Variants in NUP133 observed in about 807,000 individuals in gnomAD.
The protein encoded by NUP133 is nucleoporin 133, also known as nuclear pore complex protein Nup133.
NUP133 carries 66 observed loss-of-function variants against 146.2 expected under a neutral mutation model. The observed-to-expected ratio is 0.45, with a 90% confidence interval of 0.37 to 0.55. NUP133 has a LOEUF of 0.55. Ranked by LOEUF, NUP133 falls within the 20% of genes least tolerant of loss-of-function variation. The pLI, the probability that NUP133 is intolerant of heterozygous loss-of-function variation, is 0.00. For missense variants in NUP133, 1,277 were observed against 1,374.8 expected (o/e 0.93, Z 1.12); for synonymous variants, 521 against 498.8 (o/e 1.04, Z -0.59).
chr1:229,457,299 C>G (rs1003843525), intron 21 of NUP133, among the ~76,000 whole-genome samples: 1 of 152,110 alleles, frequency 6.6e-6, no homozygotes, highest in Non-Finnish European at 1.5e-5. Context: ...ATTTCCAATT[C>G]AAATTCAATA....
chr1:229,505,992 G>T, intron 2 of NUP133, 48 bp downstream of exon 2: 1 of 1,062,032 alleles, frequency 9.4e-7, no homozygotes, highest in Non-Finnish European at 1.5e-6. Context: ...CCACATCTAG[G>T]CTCCATTTTA....
At chr1:229,506,016 G>A in intron 2 of NUP133, 24 bp downstream of exon 2, 3 of 1,350,946 alleles carry the variant, frequency 2.2e-6, no homozygotes, top group Non-Finnish European at 3.2e-6. Context: ...TGCTAATATA[G>A]GTAAATGGAA....
intron 2 of NUP133, among the ~76,000 whole-genome samples, chr1:229,504,528 G>A (rs1366762879): frequency 6.6e-6 from 1 of 152,130 alleles, no homozygotes; most frequent in Non-Finnish European, 1.5e-5. Flanking sequence ...ACCAACAGAC[G>A]CTTCTAAAGG....
intron 18 of NUP133, 109 bp from the exon 19 acceptor site, chr1:229,463,785 C>A: frequency 8.4e-7 from 1 of 1,185,762 alleles, no homozygotes; most frequent in Non-Finnish European, 1.2e-6. Context: ...AACCAACAAT[C>A]ATTAATGGAA....
chr1:229,498,880 T>C (rs1661726664), intron 5 of NUP133, among the ~76,000 whole-genome samples: 1 of 152,134 alleles, frequency 6.6e-6, no homozygotes, highest in Non-Finnish European at 1.5e-5. Flanking sequence ...TCAGATTTTA[T>C]TTATTTATAT....
chr1:229,497,473 T>C (rs1661682303), intron 6 of NUP133, among the ~76,000 whole-genome samples: 1 of 152,188 alleles, frequency 6.6e-6, no homozygotes, highest in South Asian at 2.1e-4. Flanking sequence ...AGGTGATAAT[T>C]ATCTGAAACA....
At chr1:229,446,865 G>A (rs978867946) in intron 24 of NUP133, among the ~76,000 whole-genome samples, 7 of 152,078 alleles carry the variant, frequency 4.6e-5, no homozygotes, top group Non-Finnish European at 1.0e-4. Context: ...GGTGGCTCAC[G>A]TCTGTAATCC....
At chr1:229,456,245 G>C (rs970587458) in intron 21 of NUP133, among the ~76,000 whole-genome samples, 35 of 152,238 alleles carry the variant, frequency 2.3e-4, no homozygotes, top group Middle Eastern at 3.4e-3. Flanking sequence ...CCAAAACCAC[G>C]GGAATATCCT....
intron 4 of NUP133, among the ~76,000 whole-genome samples, chr1:229,500,158 ACT>A (rs1291903591): frequency 2.6e-5 from 4 of 152,116 alleles, no homozygotes; most frequent in Admixed American, 6.5e-5. Flanking sequence ...AATTCTTCTT[ACT>A]CTGTAACTTG....
chr1:229,442,592 T>C (rs901322886), intron 25 of NUP133, among the ~76,000 whole-genome samples: 1 of 152,190 alleles, frequency 6.6e-6, no homozygotes, highest in African/African-American at 2.4e-5. Flanking sequence ...GAAAACTGGA[T>C]GAAAATTTTC....
At chr1:229,499,881 T>C in intron 4 of NUP133, 63 bp from the exon 5 acceptor site, 1 of 1,526,368 alleles carries the variant, frequency 6.6e-7, no homozygotes, top group Non-Finnish European at 9.0e-7. Context: ...ACCAGCAGTC[T>C]GATGGCAATG....
intron 2 of NUP133, 65 bp downstream of exon 2, chr1:229,505,975 C>T: frequency 1.1e-6 from 1 of 911,070 alleles, no homozygotes; most frequent in South Asian, 1.4e-5. Flanking sequence ...TAAATTTAAT[C>T]TCTATGCCAC....
intron 14 of NUP133, among the ~76,000 whole-genome samples, chr1:229,474,291 A>C (rs1046508048): frequency 6.6e-6 from 1 of 152,212 alleles, no homozygotes; most frequent in Non-Finnish European, 1.5e-5. Flanking sequence ...GTTTTAAGCC[A>C]CTGTGTTTTG....
intron 20 of NUP133, among the ~76,000 whole-genome samples, chr1:229,459,833 G>T (rs1247849482): frequency 2.6e-5 from 4 of 152,246 alleles, no homozygotes; most frequent in South Asian, 4.1e-4. Context: ...GGGAGTGCAG[G>T]TACCTTTTCA....
Position 229,465,501 on chromosome 1 carries a change from T to G in NUP133, c.2218A>C (p.Ser740Arg), listed in dbSNP as rs769552124. 1.2e-6 allele frequency: 2 copies of G among 1,613,454 alleles called. No homozygotes were observed. Among genetic ancestry groups the G allele is most frequent in the African/African-American group, 2.7e-5 (2 of 74,924 alleles). The change falls in exon 17 of 26, where the codon AGT becomes CGT. Residue 740 changes from serine to arginine, a missense_variant. This residue lies in a region of NUP133 where 952 missense variants were observed against 1,047.0 expected (regional missense o/e 0.91). Transcript: ENST00000261396. ...NILKDMLQAASHYRQNRNSLY... is the reference protein window; with the variant it reads ...NILKDMLQAARHYRQNRNSLY... ...GAGTTTCTATTTTGGCGATAATGAC[T>G]AGCAGCCTGCAGCATATCCTGGAAA...
chr1:229,495,383 C>A, intron 8 of NUP133, 112 bp downstream of exon 8: 1 of 727,520 alleles, frequency 1.4e-6, no homozygotes, highest in Non-Finnish European at 2.3e-6. Flanking sequence ...AGAGTGAGAC[C>A]CTGTCTCCAA....
chr1:229,472,927 A>C (rs1157574593), intron 14 of NUP133, among the ~76,000 whole-genome samples: 1 of 151,864 alleles, frequency 6.6e-6, no homozygotes, highest in South Asian at 2.1e-4. Context: ...GTTTGGCTCA[A>C]GGAGAAAAGG....
chr1:229,485,240 G>A (rs1558102868), intron 11 of NUP133, among the ~76,000 whole-genome samples: 2 of 152,178 alleles, frequency 1.3e-5, no homozygotes, highest in Non-Finnish European at 2.9e-5. Flanking sequence ...AGAAGGAATG[G>A]GAAATGGCCC....
rs1661112479 is a variant in NUP133, at chr1:229,477,743, G to A, written c.1610C>T (p.Ala537Val). Residue 537 changes from alanine to valine, a missense_variant, in exon 13 of 26, where the codon GCT (alanine) becomes GTT (valine). Physicochemically the swap from Ala to Val is moderately conservative, Grantham distance 64 (BLOSUM62 0). Transcript: ENST00000261396. ...LQYCRKDLGH[A>V]QMVVDELFSS... ...AAAGAGCTCATCAACCACCATTTGA[G>A]CATGACCTAAATCTTTTCTGAAATA... is the stretch of plus-strand genomic sequence containing the variant. 2 of 1,612,432 alleles carry A rather than the reference G, an allele frequency of 1.2e-6. No individual in the cohort carries two copies. Among genetic ancestry groups the A allele is most frequent in the African/African-American group, 1.3e-5 (1 of 74,934 alleles).
Sources: allele counts gnomAD v4.1 joint callset (sites outside exome capture counted in the v4.1 genomes callset), GRCh38; gene constraint gnomAD v4.1.1; regional missense constraint gnomAD v4.1.1; transcripts MANE v1.5; gene names NCBI Gene and HGNC (gene_info 2026-07-23, HGNC 2026-07-21).